PLA2G5: variants seen among roughly 807,000 people sequenced by gnomAD.
The protein encoded by PLA2G5 is Ca2+-dependent phospholipase A2.
A neutral mutation model predicts 15.9 loss-of-function variants in PLA2G5; 12 were observed. The observed-to-expected ratio is 0.76, with a 90% CI of 0.48 to 1.23. The LOEUF (loss-of-function observed/expected upper bound fraction) is 1.23. Ranked by LOEUF, PLA2G5 falls within the 50% of genes most tolerant of loss-of-function variation. PLA2G5 has a pLI of 0.00. For synonymous variants in PLA2G5, 71 were observed against 71.4 expected (o/e 0.99, Z 0.03); for missense variants, 169 against 177.1 (o/e 0.95, Z 0.26).
At chr1:20,069,139 T>G (rs1470374399), upstream of PLA2G5, 1 of 432,968 alleles carries the variant, frequency 2.3e-6, no homozygotes, top group Non-Finnish European at 4.7e-6. Flanking sequence ...AAATGTGATA[T>G]TATCAAGTGC....
chr1:20,086,937 G>A (rs891126839), intron 3 of PLA2G5, among the ~76,000 whole-genome samples: 3 of 152,220 alleles, frequency 2.0e-5, no homozygotes, highest in Non-Finnish European at 4.4e-5. Flanking sequence ...GATACTGCTA[G>A]ACATATATAA....
intron 1 of PLA2G5, chr1:20,059,590 C>T (rs2014604544): frequency 6.6e-6 from 1 of 152,216 alleles, no homozygotes; most frequent in African/African-American, 2.4e-5. Context: ...TGGAGGTTAT[C>T]TATGAACTGG....
chr1:20,059,701 T>G (rs951549658), intron 2 of PLA2G5: 34 of 152,220 alleles, frequency 2.2e-4, no homozygotes, highest in African/African-American at 8.2e-4. Flanking sequence ...AGGTAAGCTT[T>G]CATCCATTTT....
chr1:20,068,967 G>A (rs1251872632), upstream of PLA2G5: 1 of 1,286,476 alleles, frequency 7.8e-7, no homozygotes, highest in Non-Finnish European at 1.0e-6. Context: ...TTAGGACAAA[G>A]AGGCCCAGAA....
chr1:20,069,136 A>G, upstream of PLA2G5: 1 of 436,100 alleles, frequency 2.3e-6, no homozygotes. Flanking sequence ...GACAAATGTG[A>G]TATTATCAAG....
intron 1 of PLA2G5, among the ~76,000 whole-genome samples, chr1:20,074,735 A>G (rs1193792353): frequency 1.3e-5 from 2 of 152,198 alleles, no homozygotes; most frequent in South Asian, 2.1e-4. Flanking sequence ...GCTGTTAGAA[A>G]AACGTTCTTG....
intron 1 of PLA2G5, among the ~76,000 whole-genome samples, chr1:20,081,350 G>T (rs1431969413): frequency 3.3e-5 from 5 of 151,844 alleles, no homozygotes; most frequent in Non-Finnish European, 5.9e-5. Context: ...TCTTTCCAGG[G>T]TGTGGGTTTT....
chr1:20,062,912 C>T (rs1163486343), intron 2 of PLA2G5, among the ~76,000 whole-genome samples: 1 of 152,180 alleles, frequency 6.6e-6, no homozygotes, highest in Non-Finnish European at 1.5e-5. Flanking sequence ...CCCCAGTCAA[C>T]TCACCACTGG....
chr1:20,045,449 C>T (rs1351033803), intron 1 of PLA2G5, among the ~76,000 whole-genome samples: 1 of 151,276 alleles, frequency 6.6e-6, no homozygotes, highest in Non-Finnish European at 1.5e-5. Context: ...GACTGTCTTC[C>T]CAAGTTCGTG....
chr1:20,058,306 G>C (rs561870508), intron 1 of PLA2G5, among the ~76,000 whole-genome samples: 1 of 152,204 alleles, frequency 6.6e-6, no homozygotes, highest in African/African-American at 2.4e-5. Context: ...TTGACACTCC[G>C]TTGTGAGGGG....
intron 1 of PLA2G5, among the ~76,000 whole-genome samples, chr1:20,078,518 T>C (rs1351034067): frequency 6.6e-6 from 1 of 152,070 alleles, no homozygotes; most frequent in Non-Finnish European, 1.5e-5. Flanking sequence ...CCAGACACCA[T>C]CTGTGTTTAC....
intron 2 of PLA2G5, 59 bp downstream of exon 2, chr1:20,084,929 G>GTGTCCTTTTCACCACCC: frequency 2.5e-6 from 3 of 1,183,380 alleles, no homozygotes; most frequent in Non-Finnish European, 3.8e-6. Flanking sequence ...TAACAGGGTG[G>GTGTCCTTTTCACCACCC]TGAAAAGGAC....
rs2016539443 is a variant in PLA2G5, at chr1:20,090,953, C to T, written c.*261C>T. 2 of 392,008 alleles carry T rather than the reference C, an allele frequency of 5.1e-6. No individual in the cohort carries two copies. The highest frequency in any genetic ancestry group is 8.7e-5 in the East Asian group (2 of 22,870). The allele number at this position is 392,008 out of a possible 1,614,324, so 24.3% of individuals were successfully genotyped here. A position where few individuals can be genotyped will look rare whatever the true frequency, so the allele number is the denominator to read the frequency against. ...CCCCTCTGGTGCCAAGAGCTCTCCT[C>T]CAACTCAGGGTTGGCTGTGTCTCTT... On this transcript the variant is annotated 3_prime_UTR_variant, in exon 5 of 5. Coordinates refer to ENST00000375108, the MANE Select transcript of PLA2G5 (RefSeq NM_000929.3).
rs145237860 is a variant in PLA2G5, at chr1:20,043,302, T to C, written n.276+14593T>C. Among the ~76,000 whole-genome samples, 290 of 152,342 alleles carry C rather than the reference T, an allele frequency of 1.9e-3. 2 individuals are homozygous for C. Among genetic ancestry groups the C allele is most frequent in the African/African-American group, 6.5e-3 (272 of 41,574 alleles). ...AGATCCTGAACTTACCCGTAGGACTTGTCCAGTTTTTGGACAGGTAAAATG... is the reference window on the plus strand; with the variant it reads ...AGATCCTGAACTTACCCGTAGGACTCGTCCAGTTTTTGGACAGGTAAAATG... On this transcript the variant is annotated intron_variant and non_coding_transcript_variant, in intron 1 of 6. Transcript: ENST00000460175.
At chr1:20,033,646 A>G (rs1400751518) in intron 1 of PLA2G5, among the ~76,000 whole-genome samples, 1 of 152,124 alleles carries the variant, frequency 6.6e-6, no homozygotes, top group African/African-American at 2.4e-5. Flanking sequence ...GGTATGCAAT[A>G]GTTTGTGGGG....
At chr1:20,042,237 C>T (rs572884917) in intron 1 of PLA2G5, among the ~76,000 whole-genome samples, 1 of 152,266 alleles carries the variant, frequency 6.6e-6, no homozygotes, top group African/African-American at 2.4e-5. Flanking sequence ...ATAGCATAAC[C>T]TGCCTATGCT....
rs369923917 is a variant in PLA2G5 at position 20,039,963 on chromosome 1, A to T, written n.276+11254A>T. Among the ~76,000 whole-genome samples the T allele has an allele frequency of 5.9e-5, 9 of 152,314 alleles. No homozygotes were observed. In the East Asian group the frequency reaches 1.7e-3, roughly 29 times the overall value. On this transcript the variant is annotated intron_variant and non_coding_transcript_variant, in intron 1 of 6. Coordinates refer to the PLA2G5 transcript ENST00000460175. ...TGGAATGCATTCTCACCACCAAACT[A>T]TTCACAAAGAACCACAATGGACTGG... is the stretch of plus-strand genomic sequence containing the variant.
chr1:20,055,367 T>A lies in PLA2G5; in HGVS notation n.277-4265T>A, dbSNP rs191983369. ...GGGGCGGAAATAAATCAGTGACCTT[T>A]ATTCTCTGCAAGTCCTTGTAGCCAG... On this transcript the variant is annotated intron_variant and non_coding_transcript_variant, in intron 1 of 6. Coordinates refer to the PLA2G5 transcript ENST00000460175. Among the ~76,000 whole-genome samples, 3 of 152,314 alleles carry A rather than the reference T, an allele frequency of 2.0e-5. No individual in the cohort carries two copies. The East Asian group carries it at 5.8e-4, about 29-fold the overall frequency.
At chr1:20,048,048 GT>G in intron 1 of PLA2G5, among the ~76,000 whole-genome samples, 1 of 152,144 alleles carries the variant, frequency 6.6e-6, no homozygotes, top group South Asian at 2.1e-4. Flanking sequence ...TCTATAAGAT[GT>G]ACTTCTATTG....
Sources: allele counts gnomAD v4.1 joint callset (sites outside exome capture counted in the v4.1 genomes callset), GRCh38; gene constraint gnomAD v4.1.1; transcripts MANE v1.5; gene names NCBI Gene and HGNC (gene_info 2026-07-23, HGNC 2026-07-21).